The following KCNK2 variants were observed in gnomAD, a reference collection of about 807,000 sequenced individuals.
KCNK2 encodes potassium two pore domain channel subfamily K member 2, also known as potassium channel subfamily K member 2.
A neutral mutation model predicts 40.5 loss-of-function variants in KCNK2; 21 were observed. That is an observed-to-expected ratio of 0.52 (90% CI 0.37 to 0.75). KCNK2 has a LOEUF of 0.75. Among genes scored for constraint, KCNK2 ranks in the 30% least tolerant of loss-of-function variants. The probability of loss-of-function intolerance (pLI) is 0.00; values close to 1 mark genes in which losing one functional copy is unlikely to be tolerated. For synonymous variants in KCNK2, 191 were observed against 202.2 expected, an observed-to-expected ratio of 0.94 and a Z score of 0.47; for missense variants, 399 against 531.6, an observed-to-expected ratio of 0.75 and a Z score of 2.45.
intron 1 of KCNK2, among the ~76,000 whole-genome samples, chr1:215,029,683 A>G (rs2102484565): frequency 6.7e-6 from 1 of 148,938 alleles, no homozygotes; most frequent in East Asian, 1.9e-4. Context: ...TCAAAAACAG[A>G]ATATTATTTT....
At chr1:215,133,060 A>G (rs1212639922) in intron 3 of KCNK2, among the ~76,000 whole-genome samples, 5 of 152,158 alleles carry the variant, frequency 3.3e-5, no homozygotes, top group African/African-American at 1.2e-4. Flanking sequence ...GTTTTTGGTA[A>G]CAGGAGAAAA....
chr1:215,178,371 A>G (rs7551415), intron 5 of KCNK2, among the ~76,000 whole-genome samples: 1 of 151,986 alleles, frequency 6.6e-6, no homozygotes, highest in South Asian at 2.1e-4. Flanking sequence ...CCTGATTGCT[A>G]TGGCATGGAC....
intron 5 of KCNK2, among the ~76,000 whole-genome samples, chr1:215,179,878 A>G (rs945339750): frequency 1.5e-4 from 23 of 152,224 alleles, no homozygotes; most frequent in Non-Finnish European, 3.4e-4. Context: ...TGTTAAGTCC[A>G]TTTGGTCAAG....
chr1:215,198,592 T>C (rs1664961546), intron 6 of KCNK2, among the ~76,000 whole-genome samples: 1 of 152,210 alleles, frequency 6.6e-6, no homozygotes, highest in Admixed American at 6.5e-5. Flanking sequence ...ATATTCTAGT[T>C]GTCATCTCTG....
intron 5 of KCNK2, among the ~76,000 whole-genome samples, chr1:215,194,276 A>C (rs1571715244): frequency 6.6e-6 from 1 of 152,134 alleles, no homozygotes; most frequent in South Asian, 2.1e-4. Context: ...GTAAAAAAAA[A>C]CAAGAGCCTT....
intron 6 of KCNK2, among the ~76,000 whole-genome samples, chr1:215,198,311 A>G (rs148388742): frequency 1.4e-4 from 22 of 152,298 alleles, no homozygotes; most frequent in Non-Finnish European, 2.8e-4. Context: ...CAGGGGAGCC[A>G]GTTGAAATGG....
intron 1 of KCNK2, among the ~76,000 whole-genome samples, chr1:215,023,942 G>A (rs2102480315): frequency 6.6e-6 from 1 of 152,302 alleles, no homozygotes; most frequent in Middle Eastern, 3.4e-3. Context: ...CAAAAGAGGA[G>A]AAGGATGAAA....
At chr1:215,086,136 T>G (rs531027858) in intron 1 of KCNK2, among the ~76,000 whole-genome samples, 1 of 152,266 alleles carries the variant, frequency 6.6e-6, no homozygotes, top group Admixed American at 6.5e-5. Flanking sequence ...CCAGTTTTTT[T>G]CCTCTCATTT....
At chr1:215,033,836 C>G (rs1391930568) in intron 1 of KCNK2, among the ~76,000 whole-genome samples, 1 of 152,172 alleles carries the variant, frequency 6.6e-6, no homozygotes, top group African/African-American at 2.4e-5. Flanking sequence ...AAAATGATTC[C>G]TTATTTAACT....
chr1:215,214,616 A>G (rs1465882788), intron 6 of KCNK2, among the ~76,000 whole-genome samples: 1 of 152,146 alleles, frequency 6.6e-6, no homozygotes, highest in Non-Finnish European at 1.5e-5. Context: ...CCTTGAGCCT[A>G]GGAGTTCAGG....
intron 5 of KCNK2, among the ~76,000 whole-genome samples, chr1:215,174,508 A>G (rs1274041393): frequency 6.6e-6 from 1 of 152,182 alleles, no homozygotes; most frequent in Non-Finnish European, 1.5e-5. Context: ...TTCTGTGAAG[A>G]AAGTCATTGG....
chr1:215,100,113 G>T (rs1660144254), intron 2 of KCNK2, among the ~76,000 whole-genome samples: 1 of 151,892 alleles, frequency 6.6e-6, no homozygotes. Context: ...GGCATTTTGG[G>T]GTTAACTTAG....
chr1:215,147,201 T>A (rs1302674073), intron 3 of KCNK2, among the ~76,000 whole-genome samples: 2 of 152,172 alleles, frequency 1.3e-5, no homozygotes, highest in African/African-American at 4.8e-5. Context: ...TTGCGACCCA[T>A]AAACCTTGCA....
At position 215,095,499 on chromosome 1, in the gene KCNK2, T is replaced by C. The variant is rs368884328; in HGVS notation, c.357+8821T>C. ...ACAGATGAGTAAATTGAGGCACATATTGTTTAACCAAGGACCCCTCTGCCT... is the reference window on the plus strand; with the variant it reads ...ACAGATGAGTAAATTGAGGCACATACTGTTTAACCAAGGACCCCTCTGCCT... On this transcript the variant is annotated intron_variant, in intron 2 of 6. Coordinates refer to ENST00000444842, the MANE Select transcript of KCNK2 (RefSeq NM_001017425.3). Among the ~76,000 whole-genome samples the C allele has an allele frequency of 3.9e-5, 6 of 152,240 alleles. 1 individual carries two copies. Among genetic ancestry groups the C allele is most frequent in the East Asian group, 3.9e-4 (2 of 5,180 alleles).
At chr1:215,147,488 G>T (rs1040486634) in intron 3 of KCNK2, among the ~76,000 whole-genome samples, 2 of 152,188 alleles carry the variant, frequency 1.3e-5, no homozygotes, top group African/African-American at 4.8e-5. Context: ...TTCAGTGTTT[G>T]ATTAGGCTCT....
At chr1:215,132,767 T>C (rs1254611437) in intron 3 of KCNK2, among the ~76,000 whole-genome samples, 3 of 152,204 alleles carry the variant, frequency 2.0e-5, no homozygotes, top group Non-Finnish European at 4.4e-5. Flanking sequence ...TAAAATGTGT[T>C]TCTCAGAGAA....
chr1:215,062,114 A>G (rs1252398689), intron 1 of KCNK2, among the ~76,000 whole-genome samples: 2 of 152,148 alleles, frequency 1.3e-5, no homozygotes, highest in Admixed American at 6.5e-5. Flanking sequence ...TGCTCTAACC[A>G]ATACATGGCT....
chr1:215,039,553 G>A (rs2102491489), intron 1 of KCNK2, among the ~76,000 whole-genome samples: 1 of 152,210 alleles, frequency 6.6e-6, no homozygotes, highest in African/African-American at 2.4e-5. Context: ...ATTTGATAGA[G>A]GAACTCAATT....
chr1:215,090,487 CATAT>C (rs1659646433), intron 2 of KCNK2, among the ~76,000 whole-genome samples: 1 of 152,168 alleles, frequency 6.6e-6, no homozygotes, highest in Non-Finnish European at 1.5e-5. Context: ...GTACATATAG[CATAT>C]CTTTCTTTCC....
Sources: gnomAD v4.1 joint callset for allele counts (sites outside exome capture counted in the v4.1 genomes callset) on GRCh38, gnomAD v4.1.1 for gene constraint, MANE v1.5 for transcripts, NCBI Gene and HGNC (gene_info 2026-07-23, HGNC 2026-07-21) for gene names.